Variants in SPG7 observed in about 807,000 individuals in gnomAD.
The protein encoded by SPG7 is mitochondrial inner membrane m-AAA protease component paraplegin.
SPG7 carries 103 observed loss-of-function variants against 81.9 expected under a neutral mutation model. The ratio of observed to expected loss-of-function variants is 1.26; its 90% CI spans 1.07 to 1.48. The LOEUF (loss-of-function observed/expected upper bound fraction) is 1.48. Among genes scored for constraint, SPG7 ranks in the 40% most tolerant of loss-of-function variants. SPG7 has a pLI of 0.00. For synonymous variants in SPG7, 534 were observed against 444.2 expected (o/e 1.20, Z -2.54); for missense variants, 1,241 against 1,087.3 (o/e 1.14, Z -1.99).
At chr16:89,542,919 A>G (rs978833468) in intron 9 of SPG7, 2 of 142,356 alleles carry the variant, frequency 1.4e-5, no homozygotes, top group African/African-American at 5.3e-5. Context: ...CTGCTCTTAC[A>G]TTAGTCATGG....
intron 13 of SPG7, chr16:89,552,680 C>G: frequency 2.4e-6 from 1 of 423,002 alleles, no homozygotes; most frequent in South Asian, 2.1e-5. Flanking sequence ...GGGGGTGAAA[C>G]TTGTCCTTCG....
chr16:89,545,842 T>C, intron 10 of SPG7: 1 of 413,118 alleles, frequency 2.4e-6, no homozygotes, highest in South Asian at 1.7e-5. Flanking sequence ...TTTTTTCTTT[T>C]TTCTTTTTAA....
At chr16:89,517,090 T>C (rs1270829250) in intron 3 of SPG7, 2 of 152,360 alleles carry the variant, frequency 1.3e-5, no homozygotes, top group Admixed American at 1.3e-4. Flanking sequence ...AATCCACGTG[T>C]CCGTGATCAT....
intron 3 of SPG7, chr16:89,522,812 C>T (rs1367349692): frequency 6.6e-6 from 1 of 152,482 alleles, no homozygotes; most frequent in Non-Finnish European, 1.5e-5. Flanking sequence ...GGGAAGTGAC[C>T]CCTGCGGGCA....
At chr16:89,546,027 C>A in intron 10 of SPG7, 1 of 381,034 alleles carries the variant, frequency 2.6e-6, no homozygotes, top group Non-Finnish European at 5.2e-6. Context: ...GCTGTGTTGC[C>A]AAGGCTGGTG....
At chr16:89,548,299 C>G (rs1465910082) in intron 12 of SPG7, 186 bp downstream of exon 12, 1 of 578,926 alleles carries the variant, frequency 1.7e-6, no homozygotes, top group Non-Finnish European at 3.1e-6. Flanking sequence ...TAAAATATCA[C>G]AGATTTACCT....
rs149460877 is a variant in SPG7, at chr16:89,523,178, C to A, written c.377-828C>A. The A allele has an allele frequency of 5.4e-3, 874 of 161,182 alleles. 3 individuals are homozygous for A. Among genetic ancestry groups the A allele is most frequent in the Non-Finnish European group, 9.1e-3 (662 of 73,086 alleles). The allele number at this position is 161,182 out of a possible 1,614,324, so 10.0% of individuals were successfully genotyped here. ...TTAGAAGAATTCACCTGGTGCTTCTCATAAAGAGTTGGTCTCTGGGAAAAT... is the reference window on the plus strand; with the variant it reads ...TTAGAAGAATTCACCTGGTGCTTCTAATAAAGAGTTGGTCTCTGGGAAAAT... On this transcript the variant is annotated intron_variant, in intron 3 of 16. Transcript: ENST00000645818.
At chr16:89,523,707 C>T (rs745939576) in intron 3 of SPG7, 16 of 512,346 alleles carry the variant, frequency 3.1e-5, no homozygotes, top group South Asian at 1.2e-4. Flanking sequence ...GGACCACAGG[C>T]GTGCACCGTT....
Position 89,531,932 on chromosome 16 carries a change from C to G in SPG7, c.1016C>G (p.Ala339Gly), listed in dbSNP as rs761518974. Residue 339 changes from alanine to glycine, a missense_variant, in exon 8 of 17, where the codon GCC becomes GGC. Coordinates refer to ENST00000645818, the MANE Select transcript of SPG7 (RefSeq NM_003119.4). ...KSPERFLQLG[A>G]KVPKGALLLG... ...CCAGAACGCTTCCTCCAGCTTGGCG[C>G]CAAGGTCCCAAAGGGCGCACTGCTG... 2.5e-6 allele frequency: 4 copies of G among 1,614,014 alleles called. No homozygotes were observed. Among genetic ancestry groups the G allele is most frequent in the Non-Finnish European group, 3.4e-6 (4 of 1,179,972 alleles).
intron 9 of SPG7, chr16:89,536,621 G>C: frequency 1.1e-6 from 1 of 943,692 alleles, no homozygotes; most frequent in Non-Finnish European, 1.7e-6. Flanking sequence ...GGTGAGGCGG[G>C]TGAGGGCGGG....
chr16:89,546,636 T>C, intron 10 of SPG7, 22 bp from the exon 11 acceptor site: 1 of 1,566,558 alleles, frequency 6.4e-7, no homozygotes, highest in Non-Finnish European at 8.8e-7. Flanking sequence ...CCCGACTGTC[T>C]TTCCTCCCCT....
At chr16:89,536,558 G>A (rs980575131) in intron 9 of SPG7, among the ~76,000 whole-genome samples, 2 of 145,060 alleles carry the variant, frequency 1.4e-5, no homozygotes, top group African/African-American at 5.1e-5. Flanking sequence ...CAGGTGAGGT[G>A]AGGCGGGTGA....
intron 6 of SPG7, chr16:89,530,430 C>T: frequency 1.9e-6 from 1 of 533,826 alleles, no homozygotes. Context: ...AGGCGTGAGC[C>T]ACCATGCCTG....
At chr16:89,541,165 TG>T in intron 9 of SPG7, 1 of 836,902 alleles carries the variant, frequency 1.2e-6, no homozygotes, top group Non-Finnish European at 1.4e-6. Context: ...ATAGAAGAGC[TG>T]AAACTGGTGT....
intron 12 of SPG7, chr16:89,550,195 C>T (rs557800073): frequency 5.4e-5 from 20 of 370,940 alleles, no homozygotes; most frequent in South Asian, 1.5e-4. Flanking sequence ...TTTTTTGAGA[C>T]GGAGTCTTGC....
chr16:89,509,238 A>C (rs1275072873), intron 1 of SPG7, among the ~76,000 whole-genome samples: 2 of 151,986 alleles, frequency 1.3e-5, no homozygotes, highest in East Asian at 3.9e-4. Flanking sequence ...AGCTTAGCCC[A>C]CACCTTTTAG....
At chr16:89,535,769 CTG>C (rs2058405708) in intron 9 of SPG7, among the ~76,000 whole-genome samples, 1 of 152,258 alleles carries the variant, frequency 6.6e-6, no homozygotes, top group Non-Finnish European at 1.5e-5. Context: ...TTAGAGGCCT[CTG>C]GAGCCTACAG....
At position 89,548,049 on chromosome 16, in the gene SPG7, G is replaced by A. The variant is rs561746823; in HGVS notation, c.1599G>A (p.Ala533=). ...NICNEAALHA[A]REGHTSVHTL... Reference sequence around the variant, plus strand: ...GCAATGAGGCTGCGCTGCACGCGGCGCGGGAGGGACACACTTCCGTGCACA... The same window carrying A: ...GCAATGAGGCTGCGCTGCACGCGGCACGGGAGGGACACACTTCCGTGCACA... The change falls in exon 12 of 17, where the codon GCG becomes GCA. Residue 533 remains alanine (A), a synonymous_variant. Transcript: ENST00000645818. The A allele has an allele frequency of 1.8e-5, 29 of 1,611,768 alleles. No homozygotes were observed. Among genetic ancestry groups the A allele is most frequent in the East Asian group, 1.1e-4 (5 of 44,880 alleles).
At chr16:89,532,161 G>T in intron 8 of SPG7, 95 bp downstream of exon 8, 3 of 1,302,604 alleles carry the variant, frequency 2.3e-6, no homozygotes, top group South Asian at 2.4e-5. Context: ...AAAGGGACAC[G>T]GGTGGGTGGG....
Sources: allele counts gnomAD v4.1 joint callset (sites outside exome capture counted in the v4.1 genomes callset), GRCh38; gene constraint gnomAD v4.1.1; transcripts MANE v1.5; gene names NCBI Gene and HGNC (gene_info 2026-07-23, HGNC 2026-07-21).